ZMIZ1: variants seen among roughly 807,000 people sequenced by gnomAD.
ZMIZ1 encodes the protein zinc finger MIZ-type containing 1.
A neutral mutation model predicts 113.9 loss-of-function variants in ZMIZ1; 17 were observed. The observed-to-expected ratio is 0.15, with a 90% confidence interval of 0.10 to 0.22. The LOEUF (loss-of-function observed/expected upper bound fraction) is 0.22, where lower values mean the gene tolerates loss of function less well. Ranked by LOEUF, ZMIZ1 falls within the 10% of genes least tolerant of loss-of-function variation. The pLI is 1.00. For missense variants in ZMIZ1, 1,059 were observed against 1,477.8 expected (o/e 0.72, Z 4.65); for synonymous variants, 607 against 603.1 (o/e 1.01, Z -0.09).
At chr10:79,235,673 G>A (rs1355965696) in intron 7 of ZMIZ1, among the ~76,000 whole-genome samples, 1 of 152,122 alleles carries the variant, frequency 6.6e-6, no homozygotes, top group African/African-American at 2.4e-5. Context: ...GAGCCGACAA[G>A]TCCAGGTCTA....
intron 7 of ZMIZ1, among the ~76,000 whole-genome samples, chr10:79,235,266 G>A (rs965974634): frequency 1.3e-5 from 2 of 152,196 alleles, no homozygotes; most frequent in Non-Finnish European, 2.9e-5. Flanking sequence ...GCAGGCACCC[G>A]GAGAACCTCC....
chr10:79,251,362 C>T (rs1191912152), intron 7 of ZMIZ1, among the ~76,000 whole-genome samples: 1 of 152,186 alleles, frequency 6.6e-6, no homozygotes, highest in Non-Finnish European at 1.5e-5. Flanking sequence ...GTGCTGGGAT[C>T]TCATCGCCCC....
chr10:79,215,058 G>C (rs548629763), intron 6 of ZMIZ1, among the ~76,000 whole-genome samples: 3 of 152,300 alleles, frequency 2.0e-5, no homozygotes, highest in Admixed American at 6.5e-5. Flanking sequence ...AAGGAGATGG[G>C]TGGGACCTTC....
intron 7 of ZMIZ1, among the ~76,000 whole-genome samples, chr10:79,267,353 A>G (rs539658763): frequency 2.0e-5 from 3 of 152,298 alleles, no homozygotes; most frequent in Non-Finnish European, 2.9e-5. Context: ...TATTTGAGCA[A>G]TTTTCTACAG....
intron 2 of ZMIZ1, among the ~76,000 whole-genome samples, chr10:79,136,804 T>C (rs74141768): frequency 2.4e-4 from 36 of 152,308 alleles, no homozygotes; most frequent in Non-Finnish European, 4.3e-4. Context: ...ATCACTCTTA[T>C]TATGATTAGA....
At chr10:79,228,735 G>T (rs558138210) in intron 7 of ZMIZ1, among the ~76,000 whole-genome samples, 97 of 152,342 alleles carry the variant, frequency 6.4e-4, no homozygotes, top group African/African-American at 2.3e-3. Context: ...GTCAGGGCCA[G>T]CTAGCTTCTG....
chr10:79,248,393 C>T (rs954431112), intron 7 of ZMIZ1, among the ~76,000 whole-genome samples: 54 of 151,944 alleles, frequency 3.6e-4, no homozygotes, highest in Admixed American at 3.3e-3. Flanking sequence ...AGCAGGAGCT[C>T]GAGGAGAGGT....
intron 23 of ZMIZ1, among the ~76,000 whole-genome samples, chr10:79,308,974 C>T (rs898590296): frequency 1.3e-5 from 2 of 152,208 alleles, no homozygotes; most frequent in Non-Finnish European, 2.9e-5. Context: ...AAGATGCTCT[C>T]TAGATGGTCC....
chr10:79,276,719 A>G (rs762358860), intron 7 of ZMIZ1, among the ~76,000 whole-genome samples: 1 of 152,134 alleles, frequency 6.6e-6, no homozygotes, highest in Non-Finnish European at 1.5e-5. Flanking sequence ...GAGCCCACCC[A>G]TGGGGAGAAG....
At chr10:79,173,928 C>T (rs766721373) in intron 4 of ZMIZ1, among the ~76,000 whole-genome samples, 10 of 152,160 alleles carry the variant, frequency 6.6e-5, no homozygotes, top group Non-Finnish European at 8.8e-5. Context: ...CCCAAGGGAC[C>T]GAGACCCCTG....
At chr10:79,258,109 C>T (rs1224195735) in intron 7 of ZMIZ1, among the ~76,000 whole-genome samples, 1 of 152,100 alleles carries the variant, frequency 6.6e-6, no homozygotes, top group African/African-American at 2.4e-5. Context: ...GGGCCGGGCA[C>T]GGTGGCTCAT....
At chr10:79,072,174 A>G (rs925848428) in intron 1 of ZMIZ1, among the ~76,000 whole-genome samples, 1 of 151,970 alleles carries the variant, frequency 6.6e-6, no homozygotes, top group African/African-American at 2.4e-5. Flanking sequence ...CAAAGGGGGG[A>G]GGAGGGTTCT....
intron 10 of ZMIZ1, among the ~76,000 whole-genome samples, chr10:79,291,668 G>T (rs910601381): frequency 6.6e-6 from 1 of 152,174 alleles, no homozygotes; most frequent in African/African-American, 2.4e-5. Flanking sequence ...TGGAGCTCTG[G>T]GGAGTGGTGT....
intron 3 of ZMIZ1, among the ~76,000 whole-genome samples, chr10:79,150,202 G>T (rs750155900): frequency 6.6e-6 from 1 of 152,176 alleles, no homozygotes; most frequent in Non-Finnish European, 1.5e-5. Context: ...AGGCCTCGGC[G>T]AGTGGCCACC....
Position 79,146,948 on chromosome 10 carries a change from G to A in ZMIZ1, c.-131+7171G>A, listed in dbSNP as rs1446751235. 7.4e-4 allele frequency among the ~76,000 whole-genome samples: 3 copies of A among 4,042 alleles called. No homozygotes were observed. In the East Asian group the frequency reaches 0.17, roughly 225 times the overall value. 2.7% of individuals were successfully genotyped at this position (4,042 alleles called of 152,430 possible). A position where few individuals can be genotyped will look rare whatever the true frequency, so the allele number is the denominator to read the frequency against. Reference sequence around the variant, plus strand: ...GGCTGTGCGTGTGTGTAGTGTACGTGTGTGTGTGTGTGTGTGTGTGTGTGT... The same window carrying A: ...GGCTGTGCGTGTGTGTAGTGTACGTATGTGTGTGTGTGTGTGTGTGTGTGT... On this transcript the variant is annotated intron_variant, in intron 3 of 24. Transcript: ENST00000334512.
At position 79,296,230 on chromosome 10, in the gene ZMIZ1, G is replaced by A; in HGVS notation, c.1231-241G>A. The A allele has an allele frequency of 3.5e-6, 2 of 573,792 alleles. No individual in the cohort carries two copies. Among genetic ancestry groups the A allele is most frequent in the Non-Finnish European group, 6.2e-6 (2 of 320,354 alleles). The allele number at this position is 573,792 out of a possible 1,614,324, so 35.5% of individuals were successfully genotyped here. ...CTCTGAAAGTGTCCCTGGAGTTCAG[G>A]GGCACATGTGCTCCAGGAAGAACGG... On this transcript the variant is annotated intron_variant, in intron 12 of 24. Coordinates refer to ENST00000334512, the MANE Select transcript of ZMIZ1 (RefSeq NM_020338.4). This position sits in a 1 kb window ranked among gnomAD's most constrained non-coding sequence, Gnocchi z 4.1.
At chr10:79,144,292 G>A (rs1293989699) in intron 3 of ZMIZ1, among the ~76,000 whole-genome samples, 2 of 152,140 alleles carry the variant, frequency 1.3e-5, no homozygotes, top group African/African-American at 4.8e-5. Context: ...AGCTCACAAG[G>A]GGCAGGAACT....
At chr10:79,245,322 G>A (rs1040727135) in intron 7 of ZMIZ1, among the ~76,000 whole-genome samples, 8 of 152,202 alleles carry the variant, frequency 5.3e-5, no homozygotes, top group African/African-American at 1.9e-4. Flanking sequence ...TGGGGATGTA[G>A]GAGGCCAGGC....
intron 19 of ZMIZ1, 150 bp downstream of exon 19, chr10:79,304,325 G>T (rs964912994): frequency 2.7e-5 from 32 of 1,164,260 alleles, no homozygotes; most frequent in Non-Finnish European, 3.1e-5. Flanking sequence ...ATTAATTTCC[G>T]CCATCATTTA....
Sources: allele counts gnomAD v4.1 joint callset (sites outside exome capture counted in the v4.1 genomes callset), GRCh38; gene constraint gnomAD v4.1.1; non-coding constraint Gnocchi (gnomAD v3.1); transcripts MANE v1.5; gene names NCBI Gene and HGNC (gene_info 2026-07-23, HGNC 2026-07-21).